SYT16: variants seen among roughly 807,000 people sequenced by gnomAD.
The protein encoded by SYT16 is synaptotagmin-16.
Under a neutral mutation model 61.4 loss-of-function variants are expected in SYT16, and 42 were observed. That is an observed-to-expected ratio of 0.68 (90% CI 0.53 to 0.89). The LOEUF is 0.89. Among genes scored for constraint, SYT16 ranks in the 40% least tolerant of loss-of-function variants. SYT16 has a pLI of 0.00. For missense variants in SYT16, 804 were observed against 807.3 expected, an observed-to-expected ratio of 1.00 and a Z score of 0.05; for synonymous variants, 314 against 302.3, an observed-to-expected ratio of 1.04 and a Z score of -0.40.
chr14:61,981,766 T>A (rs577213619), intron 2 of SYT16, among the ~76,000 whole-genome samples: 43 of 152,218 alleles, frequency 2.8e-4, no homozygotes, highest in African/African-American at 1.0e-3. Flanking sequence ...CTAGAAGTCA[T>A]TTGACAGACC....
chr14:61,929,454 T>C (rs2049674508), intron 1 of SYT16, among the ~76,000 whole-genome samples: 1 of 152,218 alleles, frequency 6.6e-6, no homozygotes. Context: ...CAAGGGATAT[T>C]AACCTGGCGG....
At chr14:62,017,933 C>A (rs966378002) in intron 3 of SYT16, among the ~76,000 whole-genome samples, 1 of 152,074 alleles carries the variant, frequency 6.6e-6, no homozygotes, top group African/African-American at 2.4e-5. Flanking sequence ...CCAGGCTAGT[C>A]TTGAATTCCT....
rs985036751 is a variant in SYT16 at position 61,816,942 on chromosome 14, T to C, written c.-325+4132T>C. ...AGGAGAATGGCGTGAACCCGGAAGG[T>C]GGAGCTTGCAGTGAGCCGAGATCCT... On this transcript the variant is annotated intron_variant, in intron 1 of 7. Coordinates refer to ENST00000683842, the MANE Select transcript of SYT16 (RefSeq NM_001367656.1). Among the ~76,000 whole-genome samples the C allele has an allele frequency of 6.4e-4, 95 of 148,248 alleles. 7 individuals are homozygous for C. Among genetic ancestry groups the C allele is most frequent in the Non-Finnish European group, 1.0e-4 (7 of 67,484 alleles).
Position 61,849,293 on chromosome 14 carries a change from T to C in SYT16, c.-325+36483T>C, listed in dbSNP as rs577813061. 2.6e-5 allele frequency among the ~76,000 whole-genome samples: 4 copies of C among 152,282 alleles called. No homozygotes were observed. In the South Asian group the frequency reaches 6.2e-4, roughly 24 times the overall value. ...TGCCTGGAGTTGGGGGAGGGCTGACTGGCACAAGCACTCTCTTAGTTGCCC... is the reference window on the plus strand; with the variant it reads ...TGCCTGGAGTTGGGGGAGGGCTGACCGGCACAAGCACTCTCTTAGTTGCCC... On this transcript the variant is annotated intron_variant, in intron 1 of 7. Coordinates refer to ENST00000683842, the MANE Select transcript of SYT16 (RefSeq NM_001367656.1).
At chr14:62,054,524 C>A (rs533542935) in intron 3 of SYT16, among the ~76,000 whole-genome samples, 1 of 151,966 alleles carries the variant, frequency 6.6e-6, no homozygotes, top group Non-Finnish European at 1.5e-5. Context: ...CCACGCTCAG[C>A]TAATTTTTGT....
chr14:61,977,736 C>G (rs940759234), intron 2 of SYT16, among the ~76,000 whole-genome samples: 5 of 152,034 alleles, frequency 3.3e-5, no homozygotes, highest in Admixed American at 2.0e-4. Context: ...ACTTAATCCA[C>G]TACTTCATAG....
chr14:61,956,383 G>A (rs1051431959), intron 1 of SYT16, among the ~76,000 whole-genome samples: 1 of 151,816 alleles, frequency 6.6e-6, no homozygotes, highest in African/African-American at 2.4e-5. Context: ...GCCCAGTTCA[G>A]TGTTTAGCAG....
At position 62,111,397 on chromosome 14, in the gene SYT16, G is replaced by A. The variant is rs562914039; in HGVS notation, c.*10690G>A. 51 of 152,196 alleles carry A rather than the reference G, an allele frequency of 3.4e-4. No individual in the cohort carries two copies. Among genetic ancestry groups the A allele is most frequent in the African/African-American group, 1.2e-3 (50 of 41,568 alleles). 9.4% of individuals were successfully genotyped at this position (152,196 alleles called of 1,614,324 possible). A position where few individuals can be genotyped will look rare whatever the true frequency, so the allele number is the denominator to read the frequency against. On this transcript the variant is annotated 3_prime_UTR_variant, in exon 8 of 8. Transcript: ENST00000683842. The stretch of plus-strand genomic sequence containing the variant: ...ATTACTATTCTACTCACAGCTGGAT[G>A]CTGCAGATGTATTAACATTGTAAAC...
intron 1 of SYT16, among the ~76,000 whole-genome samples, chr14:61,939,397 T>C (rs1259890956): frequency 2.0e-5 from 3 of 152,202 alleles, no homozygotes; most frequent in African/African-American, 2.4e-5. Context: ...CTAGTGCTGC[T>C]TTCACAAATG....
intron 7 of SYT16, among the ~76,000 whole-genome samples, chr14:62,091,154 T>C (rs113640080): frequency 0.012 from 1,824 of 152,242 alleles, 19 homozygotes; most frequent in East Asian, 0.039. Context: ...GGAATCACAG[T>C]AAGACTGAGG....
At chr14:61,833,289 TC>T (rs201328381) in intron 1 of SYT16, among the ~76,000 whole-genome samples, 3 of 146,664 alleles carry the variant, frequency 2.0e-5, no homozygotes, top group South Asian at 2.1e-4. Flanking sequence ...GGCTTTTTTT[TC>T]TTTTCTTTTT....
At chr14:61,836,682 C>G (rs541756409) in intron 1 of SYT16, among the ~76,000 whole-genome samples, 1 of 152,256 alleles carries the variant, frequency 6.6e-6, no homozygotes, top group East Asian at 1.9e-4. Flanking sequence ...ACTCAACTAC[C>G]TTAAGAGAAA....
At chr14:62,026,048 T>C (rs2096752646) in intron 3 of SYT16, among the ~76,000 whole-genome samples, 1 of 152,298 alleles carries the variant, frequency 6.6e-6, no homozygotes, top group African/African-American at 2.4e-5. Context: ...ATTAAAAAAT[T>C]AGGTAGCTTT....
chr14:61,841,619 C>T (rs2046303936), intron 1 of SYT16, among the ~76,000 whole-genome samples: 1 of 152,106 alleles, frequency 6.6e-6, no homozygotes, highest in Admixed American at 6.5e-5. Flanking sequence ...ACCCATCAAC[C>T]AAATATTGGA....
At chr14:61,949,483 T>G (rs2050581816) in intron 1 of SYT16, among the ~76,000 whole-genome samples, 1 of 152,180 alleles carries the variant, frequency 6.6e-6, no homozygotes, top group Admixed American at 6.5e-5. Flanking sequence ...TTTGCTATGT[T>G]GCTCAGGCTG....
At chr14:61,838,048 A>G (rs995050053) in intron 1 of SYT16, among the ~76,000 whole-genome samples, 3 of 152,244 alleles carry the variant, frequency 2.0e-5, no homozygotes, top group Non-Finnish European at 2.9e-5. Context: ...TGTTCAAAGC[A>G]AGAATAGGTC....
chr14:61,869,298 A>G lies in SYT16; in HGVS notation c.-325+56488A>G, dbSNP rs535204172. ...TTGGATTTAAACCTACCATTTTATT[A>G]TTTGTTTTCTATTTGTCTTACCGTC... On this transcript the variant is annotated intron_variant, in intron 1 of 7. Transcript: ENST00000683842. Among the ~76,000 whole-genome samples, 5 of 151,412 alleles carry G rather than the reference A, an allele frequency of 3.3e-5. No homozygotes were observed. In the South Asian group the frequency reaches 8.4e-4, roughly 25 times the overall value.
chr14:61,828,276 CT>C (rs1159542645), intron 1 of SYT16, among the ~76,000 whole-genome samples: 1 of 152,104 alleles, frequency 6.6e-6, no homozygotes, highest in Non-Finnish European at 1.5e-5. Flanking sequence ...AATACACATA[CT>C]TTTTGCCTTC....
At chr14:61,871,465 C>G (rs2047330816) in intron 1 of SYT16, among the ~76,000 whole-genome samples, 1 of 152,174 alleles carries the variant, frequency 6.6e-6, no homozygotes, top group Admixed American at 6.5e-5. Context: ...TTCAACTCAG[C>G]AAGACTCTGT....
Sources: gnomAD v4.1 joint callset for allele counts (sites outside exome capture counted in the v4.1 genomes callset) on GRCh38, gnomAD v4.1.1 for gene constraint, MANE v1.5 for transcripts, NCBI Gene and HGNC (gene_info 2026-07-23, HGNC 2026-07-21) for gene names.